The following GABRG1 variants were observed in gnomAD, a reference collection of about 807,000 sequenced individuals.
The protein encoded by GABRG1 is gamma-aminobutyric acid receptor subunit gamma-1.
GABRG1 carries 49 observed loss-of-function variants against 49.8 expected under a neutral mutation model. The observed-to-expected ratio is 0.98, with a 90% CI of 0.78 to 1.25. GABRG1 has a LOEUF of 1.25. Ranked by LOEUF, GABRG1 falls within the 50% of genes most tolerant of loss-of-function variation. The pLI is 0.00. For synonymous variants in GABRG1, 232 were observed against 185.1 expected (o/e 1.25, Z -2.06); for missense variants, 552 against 552.3 (o/e 1.00, Z 0.01).
rs149632298 is a variant in GABRG1, at chr4:46,041,205, A to G, written c.1181T>C (p.Ile394Thr). ...ATAATCATCTTCTTGCGGCACAGAA[A>G]TATTATTCATTGGAATCAGAGTGGA... is the stretch of plus-strand genomic sequence containing the variant. ...PGSTLIPMNN[I>T]SVPQEDDYGY... The change falls in exon 9 of 9, where the codon ATT (isoleucine) becomes ACT (threonine). Residue 394 changes from isoleucine (I) to threonine (T), a missense_variant. By Grantham distance (89) the Ile-to-Thr change is moderately conservative. Coordinates refer to ENST00000295452, the MANE Select transcript of GABRG1 (RefSeq NM_173536.4). The G allele has an allele frequency of 4.8e-4, 776 of 1,612,904 alleles. 7 individuals are homozygous for G. The highest frequency in any genetic ancestry group is 1.8e-3 in the Middle Eastern group (11 of 6,048).
intron 5 of GABRG1, among the ~76,000 whole-genome samples, chr4:46,061,348 A>C (rs1395081203): frequency 6.6e-6 from 1 of 152,024 alleles, no homozygotes; most frequent in Non-Finnish European, 1.5e-5. Flanking sequence ...CATTAATAAA[A>C]GGCAAAAAAA....
At chr4:46,085,591 C>T (rs757924572) in intron 2 of GABRG1, among the ~76,000 whole-genome samples, 19 of 151,276 alleles carry the variant, frequency 1.3e-4, no homozygotes, top group Non-Finnish European at 2.1e-4. Flanking sequence ...CAGCAGCAAC[C>T]GACAAAGATG....
At chr4:46,048,756 G>A (rs1448031059) in intron 8 of GABRG1, among the ~76,000 whole-genome samples, 1 of 151,670 alleles carries the variant, frequency 6.6e-6, no homozygotes, top group African/African-American at 2.4e-5. Flanking sequence ...GAAAGAGAAT[G>A]AAAGAAAGAG....
intron 1 of GABRG1, among the ~76,000 whole-genome samples, chr4:46,118,923 T>C (rs914075592): frequency 6.6e-6 from 1 of 151,376 alleles, no homozygotes; most frequent in Non-Finnish European, 1.5e-5. Context: ...AACTTTTGTA[T>C]TGGGAGAAAA....
chr4:46,051,423 C>A lies in GABRG1; in HGVS notation c.1131+1G>T, dbSNP rs1160677631. 6.3e-7 allele frequency: 1 copy of A among 1,595,642 alleles called. No individual in the cohort carries two copies. Among genetic ancestry groups the A allele is most frequent in the Non-Finnish European group, 8.5e-7 (1 of 1,171,948 alleles). On this transcript the variant is annotated splice_donor_variant, in intron 8 of 8. Transcript: ENST00000295452. LOFTEE classifies it high-confidence loss of function. ...AATAGAAATTTTTCTTTTTAACATA[C>A]CGAGGCTTTATTTTTTAGCTTTCTG...
chr4:46,039,508 A>C lies in GABRG1; in HGVS notation c.*1480T>G, dbSNP rs2109389179. 6.6e-6 allele frequency: 1 copy of C among 151,858 alleles called. No homozygotes were observed. Among genetic ancestry groups the C allele is most frequent in the South Asian group, 2.1e-4 (1 of 4,828 alleles). The allele number at this position is 151,858 out of a possible 1,614,324, so 9.4% of individuals were successfully genotyped here. On this transcript the variant is annotated 3_prime_UTR_variant, in exon 9 of 9. Coordinates refer to ENST00000295452, the MANE Select transcript of GABRG1 (RefSeq NM_173536.4). ...GCAGAGGTGACAGGTTTCCTCTCAAACCTTAAGTAAGATAGGCTGTGATCA... is the reference window on the plus strand; with the variant it reads ...GCAGAGGTGACAGGTTTCCTCTCAACCCTTAAGTAAGATAGGCTGTGATCA...
rs750966174 is a variant in GABRG1, at chr4:46,051,644, G to T, written c.917-6C>A. The T allele has an allele frequency of 1.1e-4, 164 of 1,539,668 alleles. No homozygotes were observed. Among genetic ancestry groups the T allele is most frequent in the Non-Finnish European group, 1.4e-4 (153 of 1,126,902 alleles). ...AGTCAGAACTGTAGTGATACCTATAGAGAGAGGAAACAAAACAGGAAATGA... is the reference window on the plus strand; with the variant it reads ...AGTCAGAACTGTAGTGATACCTATATAGAGAGGAAACAAAACAGGAAATGA... On this transcript the variant is annotated splice_polypyrimidine_tract_variant and splice_region_variant and intron_variant, in intron 7 of 8. Coordinates refer to ENST00000295452, the MANE Select transcript of GABRG1 (RefSeq NM_173536.4).
chr4:46,051,487 A>T lies in GABRG1; in HGVS notation c.1068T>A (p.Tyr356Ter), dbSNP rs759227396. 1 of 1,611,194 alleles carries T rather than the reference A, an allele frequency of 6.2e-7. No homozygotes were observed. The highest frequency in any genetic ancestry group is 8.5e-7 in the Non-Finnish European group (1 of 1,178,338). ...TCTTTCCTTTTTGGTTGCTGGTAAA[A>T]TAATGCAAGGTTCCATATTCCATCA... ...AALMEYGTLH[Y>*]FTSNQKGKTA... Residue 356 changes from tyrosine (Y) to a stop codon, truncating the protein, a stop_gained, in exon 8 of 9, where the codon TAT becomes TAA. Transcript: ENST00000295452. LOFTEE classifies it high-confidence loss of function.
chr4:46,101,763 T>C (rs1433740129), intron 1 of GABRG1, among the ~76,000 whole-genome samples: 1 of 151,720 alleles, frequency 6.6e-6, no homozygotes, highest in Non-Finnish European at 1.5e-5. Context: ...AAATAATGAT[T>C]TATTAACAAA....
chr4:46,048,492 C>T (rs570950908), intron 8 of GABRG1, among the ~76,000 whole-genome samples: 2 of 148,140 alleles, frequency 1.4e-5, no homozygotes, highest in South Asian at 2.1e-4. Flanking sequence ...ATCATATGGC[C>T]ATTGTCACAA....
At chr4:46,112,907 C>T (rs1369559436) in intron 1 of GABRG1, among the ~76,000 whole-genome samples, 1 of 150,946 alleles carries the variant, frequency 6.6e-6, no homozygotes, top group African/African-American at 2.4e-5. Context: ...AAAAAATCTG[C>T]ACATGCATCC....
At chr4:46,107,661 C>T (rs1420713865) in intron 1 of GABRG1, among the ~76,000 whole-genome samples, 2 of 150,920 alleles carry the variant, frequency 1.3e-5, no homozygotes, top group South Asian at 4.2e-4. Context: ...ATTCTCTTGA[C>T]ATTGCCTTTG....
chr4:46,088,606 C>A (rs77628666), intron 2 of GABRG1, among the ~76,000 whole-genome samples: 98 of 152,104 alleles, frequency 6.4e-4, no homozygotes, highest in African/African-American at 2.3e-3. Flanking sequence ...ATGCAAGCAT[C>A]TGGAAGCTTC....
In GABRG1 at chr4:46,087,194, A is replaced by T. The variant is rs560681323; in HGVS notation, c.254-3141T>A. On this transcript the variant is annotated intron_variant, in intron 2 of 8. Transcript: ENST00000295452. ...TTTAAAGAATTTGTGTAAGACTTAT[A>T]GTAGTTCTTTCTTCTATATGTGGTG... is the stretch of plus-strand genomic sequence containing the variant. Among the ~76,000 whole-genome samples the T allele has an allele frequency of 3.1e-4, 47 of 151,736 alleles. 1 individual carries two copies. In the South Asian group the frequency reaches 9.3e-3, roughly 30 times the overall value.
intron 1 of GABRG1, among the ~76,000 whole-genome samples, chr4:46,122,370 CT>C (rs1413850885): frequency 2.0e-5 from 3 of 151,966 alleles, no homozygotes; most frequent in Admixed American, 6.6e-5. Context: ...TCTGTTTTTA[CT>C]TTTGTAATAT....
rs377295328 is a variant in GABRG1 at position 46,123,929 on chromosome 4, A to G, written c.-16T>C. 2.0e-5 allele frequency: 31 copies of G among 1,589,366 alleles called. No individual in the cohort carries two copies. The highest frequency in any genetic ancestry group is 1.7e-4 in the Middle Eastern group (1 of 6,012). ...AAGGACCCATCGGAATCGCTTTTTT[A>G]CGTGTGCTGCACTAGCTCAATTCTC... is the stretch of plus-strand genomic sequence containing the variant. On this transcript the variant is annotated 5_prime_UTR_variant, in exon 1 of 9. Coordinates refer to ENST00000295452, the MANE Select transcript of GABRG1 (RefSeq NM_173536.4).
In GABRG1 at chr4:46,065,582, T is replaced by G; in HGVS notation, c.324A>C (p.Glu108Asp). ...GGGCAAAAATTATATCTATTGTATATTCCTAAAATATAAGAAGAGTAACAA... is the reference window on the plus strand; with the variant it reads ...GGGCAAAAATTATATCTATTGTATAGTCCTAAAATATAAGAAGAGTAACAA... ...SIGPVDPINM[E>D]YTIDIIFAQT... Residue 108 changes from glutamate (E) to aspartate (D), a missense_variant and splice_region_variant, in exon 4 of 9, where the codon GAA becomes GAC. Coordinates refer to ENST00000295452, the MANE Select transcript of GABRG1 (RefSeq NM_173536.4). 2 of 1,333,450 alleles carry G rather than the reference T, an allele frequency of 1.5e-6. No individual in the cohort carries two copies. The highest frequency in any genetic ancestry group is 1.1e-6 in the Non-Finnish European group (1 of 934,336). The allele number at this position is 1,333,450 out of a possible 1,614,324, so 82.6% of individuals were successfully genotyped here. A position where few individuals can be genotyped will look rare whatever the true frequency, so the allele number is the denominator to read the frequency against.
At chr4:46,119,340 T>A (rs1270567841) in intron 1 of GABRG1, among the ~76,000 whole-genome samples, 1 of 151,478 alleles carries the variant, frequency 6.6e-6, no homozygotes, top group African/African-American at 2.4e-5. Context: ...TTGTTTTGAC[T>A]TATATTGCAT....
intron 7 of GABRG1, among the ~76,000 whole-genome samples, chr4:46,052,252 C>T (rs1361616689): frequency 1.3e-5 from 2 of 151,352 alleles, no homozygotes; most frequent in Non-Finnish European, 3.0e-5. Context: ...AAATACCTAC[C>T]CCTAGACTTC....
Sources: allele counts gnomAD v4.1 joint callset (sites outside exome capture counted in the v4.1 genomes callset), GRCh38; gene constraint gnomAD v4.1.1; transcripts MANE v1.5; gene names NCBI Gene and HGNC (gene_info 2026-07-23, HGNC 2026-07-21).